The following PRUNE2 variants were observed in gnomAD, a reference collection of about 807,000 sequenced individuals.
PRUNE2 encodes the protein prune homolog 2 with BCH domain, also known as protein prune homolog 2.
PRUNE2 carries 164 observed loss-of-function variants against 252.0 expected under a neutral mutation model. The ratio of observed to expected loss-of-function variants is 0.65; its 90% confidence interval spans 0.57 to 0.74. The LOEUF (loss-of-function observed/expected upper bound fraction) is 0.74. Ranked by LOEUF, PRUNE2 falls within the 30% of genes least tolerant of loss-of-function variation. PRUNE2 has a pLI of 0.00. For synonymous variants in PRUNE2, 1,292 were observed against 1,350.2 expected (o/e 0.96, Z 0.94); for missense variants, 3,495 against 3,711.0 (o/e 0.94, Z 1.51).
At chr9:76,752,224 A>G (rs2050692185) in intron 6 of PRUNE2, among the ~76,000 whole-genome samples, 1 of 151,926 alleles carries the variant, frequency 6.6e-6, no homozygotes, top group Non-Finnish European at 1.5e-5. Flanking sequence ...CAGCCTCCCA[A>G]GTAGCTGGGA....
chr9:76,731,246 A>C (rs2048541199), intron 6 of PRUNE2, among the ~76,000 whole-genome samples: 1 of 150,148 alleles, frequency 6.7e-6, no homozygotes, highest in South Asian at 2.1e-4. Flanking sequence ...ACACACACAT[A>C]CACACACACA....
At chr9:76,642,015 AAAGAAAAG>A in intron 12 of PRUNE2, 2 of 1,345,158 alleles carry the variant, frequency 1.5e-6, no homozygotes, top group African/African-American at 1.5e-5. Context: ...AAAAAAAAAA[AAAGAAAAG>A]AAAAAGAAAA....
intron 4 of PRUNE2, among the ~76,000 whole-genome samples, chr9:76,828,745 G>A (rs1261254400): frequency 6.6e-6 from 1 of 152,190 alleles, no homozygotes; most frequent in Non-Finnish European, 1.5e-5. Context: ...GCCGGGCGCA[G>A]CGGCTCATGC....
Position 76,662,175 on chromosome 9 carries a change from C to T in PRUNE2, c.8277-6673G>A, listed in dbSNP as rs566985853. 2.0e-5 allele frequency among the ~76,000 whole-genome samples: 3 copies of T among 152,216 alleles called. No homozygotes were observed. In the South Asian group the frequency reaches 6.2e-4, roughly 32 times the overall value. ...GAATTAGCTAAGCATTCAACTCAGC[C>T]CAGGAAGTTATAAAAAGAAACATGC... On this transcript the variant is annotated intron_variant, in intron 9 of 18. Coordinates refer to ENST00000376718, the MANE Select transcript of PRUNE2 (RefSeq NM_015225.3).
intron 6 of PRUNE2, among the ~76,000 whole-genome samples, chr9:76,800,476 A>G (rs2056473324): frequency 6.6e-6 from 1 of 152,196 alleles, no homozygotes; most frequent in African/African-American, 2.4e-5. Flanking sequence ...GGTTTTTAAA[A>G]TTGTTATTTA....
chr9:76,620,473 ACTATT>A (rs1831782215), intron 17 of PRUNE2, among the ~76,000 whole-genome samples: 1 of 152,062 alleles, frequency 6.6e-6, no homozygotes, highest in African/African-American at 2.4e-5. Flanking sequence ...ACAAACAAAC[ACTATT>A]CTATTTAAAG....
At chr9:76,685,452 T>C (rs1284716397) in intron 9 of PRUNE2, among the ~76,000 whole-genome samples, 1 of 152,216 alleles carries the variant, frequency 6.6e-6, no homozygotes, top group African/African-American at 2.4e-5. Context: ...GATTCTTATG[T>C]TGAAGTCTTA....
At chr9:76,798,573 T>C (rs1362556456) in intron 6 of PRUNE2, among the ~76,000 whole-genome samples, 1 of 152,194 alleles carries the variant, frequency 6.6e-6, no homozygotes, top group Non-Finnish European at 1.5e-5. Context: ...CTACTGTGTA[T>C]AGTGCTGCTA....
In PRUNE2 at chr9:76,670,808, G is replaced by T. The variant is rs908110068; in HGVS notation, c.8277-15306C>A. Among the ~76,000 whole-genome samples the T allele has an allele frequency of 7.1e-3, 1,083 of 151,820 alleles. 8 individuals carry two copies. Among genetic ancestry groups the T allele is most frequent in the Non-Finnish European group, 0.01 (679 of 67,894 alleles). On this transcript the variant is annotated intron_variant, in intron 9 of 18. Transcript: ENST00000376718. ...CAGGGGCACACTGACACCTCACACG[G>T]CAGGGTACTCCAACAGACCTGCAGC...
At chr9:76,717,856 G>A (rs993430261) in intron 6 of PRUNE2, among the ~76,000 whole-genome samples, 4 of 152,186 alleles carry the variant, frequency 2.6e-5, no homozygotes, top group Non-Finnish European at 2.9e-5. Context: ...TTTGTCACTC[G>A]TGATTCCGAA....
In PRUNE2 at chr9:76,651,656, T is replaced by C. The variant is rs114947009; in HGVS notation, c.8557+827A>G. Among the ~76,000 whole-genome samples, 1,057 of 152,320 alleles carry C rather than the reference T, an allele frequency of 6.9e-3. 20 individuals carry two copies. The highest frequency in any genetic ancestry group is 0.024 in the African/African-American group (984 of 41,578). On this transcript the variant is annotated intron_variant, in intron 11 of 18. Coordinates refer to ENST00000376718, the MANE Select transcript of PRUNE2 (RefSeq NM_015225.3). ...TACATATTTCTTAAACCAGATTTCA[T>C]AGAGTAAGAGAAAGAACTAAAGAAA...
rs1230329753 is a variant in PRUNE2 at position 76,644,828 on chromosome 9, C to T, written c.8639G>A (p.Arg2880Gln). The T allele has an allele frequency of 1.4e-5, 22 of 1,613,794 alleles. No individual in the cohort carries two copies. Among genetic ancestry groups the T allele is most frequent in the East Asian group, 2.2e-5 (1 of 44,886 alleles). ...TCCAATGACCACTGTCCTCCAAAGCCGGTTGTCCTCCCGTTCCTCTTCGGC... is the reference window on the plus strand; with the variant it reads ...TCCAATGACCACTGTCCTCCAAAGCTGGTTGTCCTCCCGTTCCTCTTCGGC... Reference protein sequence around the residue: ...YTAEEEREDNRLWRTVVIGEQ... With the variant: ...YTAEEEREDNQLWRTVVIGEQ... Residue 2880 changes from arginine (R) to glutamine (Q), a missense_variant, in exon 12 of 19, where the codon CGG becomes CAG. Physicochemically the swap from Arg to Gln is conservative, Grantham distance 43. Coordinates refer to ENST00000376718, the MANE Select transcript of PRUNE2 (RefSeq NM_015225.3).
intron 4 of PRUNE2, among the ~76,000 whole-genome samples, chr9:76,837,933 A>T (rs375563073): frequency 6.6e-6 from 1 of 151,556 alleles, no homozygotes. Flanking sequence ...CACCACGCCC[A>T]GCTAATTTTT....
At chr9:76,643,802 T>G (rs747933975) in intron 12 of PRUNE2, among the ~76,000 whole-genome samples, 3 of 152,100 alleles carry the variant, frequency 2.0e-5, no homozygotes, top group Non-Finnish European at 2.9e-5. Context: ...GGAGAAAGGT[T>G]TGATTGAAAT....
chr9:76,735,438 T>A (rs933323808), intron 6 of PRUNE2, among the ~76,000 whole-genome samples: 8 of 119,676 alleles, frequency 6.7e-5, no homozygotes, highest in East Asian at 4.8e-4. Flanking sequence ...TTTTTTTTTT[T>A]ATGCCAGTTA....
At chr9:76,679,391 T>C (rs903145696) in intron 9 of PRUNE2, among the ~76,000 whole-genome samples, 1 of 152,160 alleles carries the variant, frequency 6.6e-6, no homozygotes, top group Non-Finnish European at 1.5e-5. Flanking sequence ...GGACCTCAAA[T>C]AGCCAAAACA....
intron 1 of PRUNE2, chr9:76,862,527 T>C (rs1257407995): frequency 6.6e-6 from 1 of 152,152 alleles, no homozygotes; most frequent in African/African-American, 2.4e-5. Flanking sequence ...AACTGAGCCT[T>C]AGGAAAAGCT....
chr9:76,771,650 C>T (rs1486491575), intron 6 of PRUNE2, among the ~76,000 whole-genome samples: 1 of 152,156 alleles, frequency 6.6e-6, no homozygotes. Context: ...CAGTTGTACA[C>T]ATTGAGTAAA....
intron 1 of PRUNE2, among the ~76,000 whole-genome samples, chr9:76,876,703 G>A (rs538037676): frequency 5.3e-5 from 8 of 152,036 alleles, no homozygotes; most frequent in South Asian, 2.1e-4. Context: ...TTCTAATACC[G>A]CTGCTAGCCA....
Sources: allele counts gnomAD v4.1 joint callset (sites outside exome capture counted in the v4.1 genomes callset), GRCh38; gene constraint gnomAD v4.1.1; transcripts MANE v1.5; gene names NCBI Gene and HGNC (gene_info 2026-07-23, HGNC 2026-07-21).